NAV2: variants seen among roughly 807,000 people sequenced by gnomAD.
NAV2 encodes the protein neuron navigator 2.
NAV2 carries 54 observed loss-of-function variants against 223.2 expected under a neutral mutation model. That is an observed-to-expected ratio of 0.24 (90% CI 0.19 to 0.30). The LOEUF (loss-of-function observed/expected upper bound fraction) is 0.30. Ranked by LOEUF, NAV2 falls within the 10% of genes least tolerant of loss-of-function variation. The pLI is 1.00. For missense variants in NAV2, 2,806 were observed against 3,147.5 expected (o/e 0.89, Z 2.60); for synonymous variants, 1,279 against 1,239.3 (o/e 1.03, Z -0.67).
chr11:19,347,112 C>T (rs894394298), upstream of NAV2, among the ~76,000 whole-genome samples: 1 of 152,156 alleles, frequency 6.6e-6, no homozygotes, highest in Non-Finnish European at 1.5e-5. Context: ...GAGGAAAAGG[C>T]CAAAGGGGCA....
intron 1 of NAV2, among the ~76,000 whole-genome samples, chr11:19,828,460 C>T (rs1428875913): frequency 2.0e-5 from 3 of 152,022 alleles, no homozygotes; most frequent in Non-Finnish European, 2.9e-5. Context: ...TTGTATCTGG[C>T]TTATTTCACT....
intron 1 of NAV2, among the ~76,000 whole-genome samples, chr11:19,823,078 C>T (rs1350221046): frequency 1.3e-5 from 2 of 152,174 alleles, no homozygotes; most frequent in Admixed American, 6.5e-5. Context: ...GACAGGGTCT[C>T]GCTCTGTTAC....
At chr11:20,035,648 C>T (rs892356395) in intron 11 of NAV2, among the ~76,000 whole-genome samples, 3 of 152,168 alleles carry the variant, frequency 2.0e-5, no homozygotes, top group Non-Finnish European at 4.4e-5. Context: ...TGGGAAGGAA[C>T]AAATTGGTTT....
At chr11:20,027,220 C>A in intron 11 of NAV2, 1 of 970,882 alleles carries the variant, frequency 1.0e-6, no homozygotes, top group Non-Finnish European at 1.2e-6. Flanking sequence ...GTAGCCAAAC[C>A]CTTTCTCTTC....
intron 11 of NAV2, among the ~76,000 whole-genome samples, chr11:20,010,508 A>G (rs985896236): frequency 5.3e-5 from 8 of 150,322 alleles, no homozygotes; most frequent in Non-Finnish European, 1.2e-4. Flanking sequence ...GCCCCCCACC[A>G]CCTTTTTTTT....
chr11:20,048,642 C>G (rs2057696025), intron 14 of NAV2, 86 bp from the exon 15 acceptor site: 6 of 1,133,786 alleles, frequency 5.3e-6, no homozygotes. Flanking sequence ...GAATTCTCAC[C>G]AACTCCTCTG....
At chr11:19,389,638 T>C (rs1185573463) in intron 1 of NAV2, among the ~76,000 whole-genome samples, 1 of 152,232 alleles carries the variant, frequency 6.6e-6, no homozygotes, top group Non-Finnish European at 1.5e-5. Flanking sequence ...TCATAAGGGT[T>C]ACATGCCATA....
chr11:19,390,515 ACTC>A (rs1849205724), intron 1 of NAV2, among the ~76,000 whole-genome samples: 1 of 152,146 alleles, frequency 6.6e-6, no homozygotes, highest in Non-Finnish European at 1.5e-5. Context: ...TATAGGCAAA[ACTC>A]CTGGACAGAA....
chr11:19,650,974 A>G (rs1423049941), intron 1 of NAV2, among the ~76,000 whole-genome samples: 5 of 152,190 alleles, frequency 3.3e-5, no homozygotes, highest in Non-Finnish European at 7.4e-5. Flanking sequence ...ATTTATAAAA[A>G]CTCATTGAAT....
intron 1 of NAV2, among the ~76,000 whole-genome samples, chr11:19,530,585 C>G (rs1046734268): frequency 1.3e-5 from 2 of 152,210 alleles, no homozygotes; most frequent in African/African-American, 4.8e-5. Flanking sequence ...CAAGTCTTCC[C>G]ACCCCCAAAG....
chr11:20,056,538 G>A, intron 19 of NAV2: 1 of 1,610,658 alleles, frequency 6.2e-7, no homozygotes, highest in Non-Finnish European at 8.5e-7. Flanking sequence ...AGAATCATGG[G>A]AGAAAAGTTC....
intron 10 of NAV2, among the ~76,000 whole-genome samples, chr11:19,969,416 T>C (rs1365843527): frequency 6.6e-6 from 1 of 152,182 alleles, no homozygotes; most frequent in Non-Finnish European, 1.5e-5. Context: ...ATTTGACTTA[T>C]CTCTAAAGCA....
At chr11:19,849,685 C>T (rs2061009149) in intron 3 of NAV2, among the ~76,000 whole-genome samples, 4 of 152,156 alleles carry the variant, frequency 2.6e-5, no homozygotes, top group Admixed American at 2.6e-4. Flanking sequence ...GGGCCCTGGG[C>T]CTATTTTTAC....
chr11:20,087,175 G>T (rs1387725070), intron 26 of NAV2, among the ~76,000 whole-genome samples: 1 of 152,146 alleles, frequency 6.6e-6, no homozygotes, highest in Non-Finnish European at 1.5e-5. Flanking sequence ...TAGGAACGGG[G>T]CCAGATGCTG....
In NAV2 at chr11:20,097,607, C is replaced by T; in HGVS notation, c.6043C>T (p.Gln2015Ter). The T allele has an allele frequency of 6.2e-7, 1 of 1,605,986 alleles. No individual in the cohort carries two copies. Among genetic ancestry groups the T allele is most frequent in the Non-Finnish European group, 8.5e-7 (1 of 1,177,780 alleles). The change falls in exon 31 of 38, where the codon CAG becomes TAG. Residue 2015 changes from glutamine (Q) to a stop codon, truncating the protein, a stop_gained. Coordinates refer to ENST00000349880, the MANE Select transcript of NAV2 (RefSeq NM_145117.5). LOFTEE classifies it high-confidence loss of function. ...CATCATTCATGTCGACCCAGTGAGT[C>T]AGCTAGGGCTGAATTCAGACAGCGT... ...EYIIHVDPVSQLGLNSDSVLG... is the reference protein window; with the variant it reads ...EYIIHVDPVS
chr11:19,799,313 A>G (rs970809344), intron 1 of NAV2, among the ~76,000 whole-genome samples: 1 of 152,154 alleles, frequency 6.6e-6, no homozygotes, highest in Non-Finnish European at 1.5e-5. Flanking sequence ...AAGGTAAGGA[A>G]GAGTGAGGAG....
chr11:20,049,243 A>C, intron 15 of NAV2, 48 bp downstream of exon 15: 1 of 1,354,438 alleles, frequency 7.4e-7, no homozygotes, highest in Non-Finnish European at 1.0e-6. Flanking sequence ...CACCCTTCCA[A>C]AAATAAAAAG....
At chr11:19,611,394 G>A (rs749818845) in intron 1 of NAV2, among the ~76,000 whole-genome samples, 2 of 152,020 alleles carry the variant, frequency 1.3e-5, no homozygotes, top group Non-Finnish European at 2.9e-5. Context: ...GTCCCCCAAA[G>A]TCTTATTTCA....
chr11:19,649,427 T>C (rs997166209), intron 1 of NAV2, among the ~76,000 whole-genome samples: 3 of 152,242 alleles, frequency 2.0e-5, no homozygotes, highest in Non-Finnish European at 2.9e-5. Context: ...GAATGGCATA[T>C]AAACAACAAA....
Sources: allele counts gnomAD v4.1 joint callset (sites outside exome capture counted in the v4.1 genomes callset), GRCh38; gene constraint gnomAD v4.1.1; transcripts MANE v1.5; gene names NCBI Gene and HGNC (gene_info 2026-07-23, HGNC 2026-07-21).